DZIP1L: variants seen among roughly 807,000 people sequenced by gnomAD.
DZIP1L encodes cilium assembly protein DZIP1L.
In DZIP1L, 90 loss-of-function variants were observed where a neutral mutation model predicts 88.7. The ratio of observed to expected loss-of-function variants is 1.02; its 90% CI spans 0.86 to 1.21. The LOEUF (loss-of-function observed/expected upper bound fraction) is 1.21. DZIP1L is among the 50% of genes most tolerant of loss of function. The pLI, the probability that DZIP1L is intolerant of heterozygous loss-of-function variation, is 0.00. For synonymous variants in DZIP1L, 363 were observed against 372.1 expected (o/e 0.98, Z 0.28); for missense variants, 932 against 955.8 (o/e 0.98, Z 0.33).
chr3:138,100,569 T>C (rs1472631713), intron 2 of DZIP1L, among the ~76,000 whole-genome samples: 1 of 152,222 alleles, frequency 6.6e-6, no homozygotes, highest in Non-Finnish European at 1.5e-5. Flanking sequence ...GGGGCCAGTC[T>C]TGTGGGACTG....
In DZIP1L at chr3:138,103,531, G is replaced by A. The variant is rs373933446; in HGVS notation, c.441C>T (p.Arg147=). The A allele has an allele frequency of 6.5e-5, 104 of 1,610,982 alleles. No individual in the cohort carries two copies. The highest frequency in any genetic ancestry group is 8.2e-5 in the Non-Finnish European group (97 of 1,179,776). ...KGVREESRRR[R]KMISTLQQLL... ...GCTGCTGCAGGGTGCTGATCATCTT[G>A]CGACGCCGGCGGCTCTCCTCCCGCA... Residue 147 remains arginine, a synonymous_variant, in exon 2 of 16, where the codon CGC becomes CGT. Transcript: ENST00000327532.
At chr3:138,091,237 T>A (rs7613955) in intron 5 of DZIP1L, among the ~76,000 whole-genome samples, 129,943 of 151,884 alleles carry the variant, frequency 0.86, 55,911 homozygotes, top group Middle Eastern at 0.91. Flanking sequence ...TTGGAAATTA[T>A]AGAGCTGGGT....
chr3:138,080,515 G>A (rs1943599364), intron 10 of DZIP1L, 52 bp downstream of exon 10: 1 of 1,593,342 alleles, frequency 6.3e-7, no homozygotes, highest in Non-Finnish European at 8.6e-7. Flanking sequence ...AAGGAGGAGG[G>A]CAGCAAATCT....
In DZIP1L at chr3:138,086,987, C is replaced by CGCA; in HGVS notation, c.1035_1036insTGC (p.His345_Glu346insCys). ...TCTTTCTTCTCAGCCATGTGCTCTT[C>CGCA]ATGCAGTTCCTTCACTTTTCTTTTC... On this transcript the variant is annotated inframe_insertion, in exon 7 of 16. Transcript: ENST00000327532. The CGCA allele has an allele frequency of 6.2e-7, 1 of 1,614,136 alleles. No individual in the cohort carries two copies. The highest frequency in any genetic ancestry group is 8.5e-7 in the Non-Finnish European group (1 of 1,180,020).
rs868487994 is a variant in DZIP1L, at chr3:138,101,882, C to T, written c.501+1589G>A. On this transcript the variant is annotated intron_variant, in intron 2 of 15. Transcript: ENST00000327532. The stretch of plus-strand genomic sequence containing the variant: ...GCGCCCTCCAGCTCGGACAGCTTGG[C>T]GTTGGCATCCTTAATGGCCAGCTCC... 4 of 1,415,116 alleles carry T rather than the reference C, an allele frequency of 2.8e-6. No homozygotes were observed. The African/African-American group carries it at 4.2e-5, about 15-fold the overall frequency. The allele number at this position is 1,415,116 out of a possible 1,614,324, so 87.7% of individuals were successfully genotyped here. A position where few individuals can be genotyped will look rare whatever the true frequency, so the allele number is the denominator to read the frequency against.
intron 1 of DZIP1L, among the ~76,000 whole-genome samples, chr3:138,104,505 G>C (rs2042420980): frequency 6.6e-6 from 1 of 152,248 alleles, no homozygotes. Context: ...TTTATCTCAA[G>C]ATAAAGTCCG....
At chr3:138,106,033 T>G (rs1428054370) in intron 1 of DZIP1L, among the ~76,000 whole-genome samples, 1 of 151,844 alleles carries the variant, frequency 6.6e-6, no homozygotes, top group African/African-American at 2.4e-5. Context: ...AGAATTTCAG[T>G]TCTTGCAGAA....
intron 1 of DZIP1L, among the ~76,000 whole-genome samples, chr3:138,106,867 AAAGAG>A (rs2042508649): frequency 1.1e-5 from 1 of 93,842 alleles, no homozygotes; most frequent in Non-Finnish European, 2.6e-5. Flanking sequence ...GCCAAAAAAA[AAAGAG>A]AGAGAGAGAG....
At chr3:138,087,645 T>C (rs1161249610) in intron 6 of DZIP1L, among the ~76,000 whole-genome samples, 3 of 152,254 alleles carry the variant, frequency 2.0e-5, no homozygotes, top group Admixed American at 6.5e-5. Context: ...CTCTTTATAA[T>C]GTGAAACCTG....
In DZIP1L at chr3:138,065,057, C is replaced by G. The variant is rs1432908248; in HGVS notation, c.2003-290G>C. Among the ~76,000 whole-genome samples, 17 of 152,246 alleles carry G rather than the reference C, an allele frequency of 1.1e-4. 1 individual carries two copies. The highest frequency in any genetic ancestry group is 1.1e-3 in the Admixed American group (17 of 15,282). On this transcript the variant is annotated intron_variant, in intron 14 of 15. Transcript: ENST00000327532. ...CCTCTAATGAGAGGCTGAGGCAGGACCTCTGCTCAGTGTGGGGAATGAACT... is the reference window on the plus strand; with the variant it reads ...CCTCTAATGAGAGGCTGAGGCAGGAGCTCTGCTCAGTGTGGGGAATGAACT...
At chr3:138,114,899 G>A (rs925978565) in intron 1 of DZIP1L, among the ~76,000 whole-genome samples, 3 of 152,186 alleles carry the variant, frequency 2.0e-5, no homozygotes, top group Non-Finnish European at 2.9e-5. Flanking sequence ...CAATGCGATT[G>A]CTTTTAAATC....
chr3:138,112,709 G>A (rs1429945596), intron 1 of DZIP1L, among the ~76,000 whole-genome samples: 1 of 152,186 alleles, frequency 6.6e-6, no homozygotes, highest in Non-Finnish European at 1.5e-5. Context: ...CACTTTGGGA[G>A]GCCAAGGAGG....
At chr3:138,073,375 T>C (rs996520392) in intron 11 of DZIP1L, among the ~76,000 whole-genome samples, 4 of 152,160 alleles carry the variant, frequency 2.6e-5, no homozygotes, top group Admixed American at 6.5e-5. Context: ...CTGCAAGACC[T>C]GAAGATGGAT....
At chr3:138,072,707 C>T (rs1312836894) in intron 11 of DZIP1L, among the ~76,000 whole-genome samples, 1 of 152,144 alleles carries the variant, frequency 6.6e-6, no homozygotes, top group Non-Finnish European at 1.5e-5. Context: ...CTGCAGACTC[C>T]CTGAGATGCC....
At chr3:138,068,569 T>A (rs1385058529) in intron 12 of DZIP1L, among the ~76,000 whole-genome samples, 2 of 152,106 alleles carry the variant, frequency 1.3e-5, no homozygotes, top group African/African-American at 4.8e-5. Flanking sequence ...AGTTCCACAG[T>A]TTCATCAGAG....
chr3:138,077,622 G>A lies in DZIP1L; in HGVS notation c.1299C>T (p.Asp433=), dbSNP rs776025239. The change falls in exon 11 of 16, where the codon GAC becomes GAT. Residue 433 remains aspartate, a synonymous_variant. Transcript: ENST00000327532. The part of the protein sequence containing the change: ...EEDSPEEEME[D]SQDEQHKVLA... ...GCACCTTGTGCTGTTCATCCTGGGA[G>A]TCCTCCATCTCTGTAGCATGAGACA... 21 of 1,614,002 alleles carry A rather than the reference G, an allele frequency of 1.3e-5. No individual in the cohort carries two copies. The highest frequency in any genetic ancestry group is 1.7e-5 in the Non-Finnish European group (20 of 1,180,020).
intron 2 of DZIP1L, among the ~76,000 whole-genome samples, chr3:138,098,507 C>T (rs1232541864): frequency 6.6e-6 from 1 of 152,228 alleles, no homozygotes; most frequent in African/African-American, 2.4e-5. Context: ...ATCGTCTTCT[C>T]ACTGTAAAAT....
intron 4 of DZIP1L, among the ~76,000 whole-genome samples, chr3:138,094,502 T>A (rs1245173383): frequency 6.6e-6 from 1 of 152,250 alleles, no homozygotes; most frequent in Non-Finnish European, 1.5e-5. Flanking sequence ...GAGCATTGTC[T>A]CTGGGCTGGG....
chr3:138,108,052 C>T (rs112990818), intron 1 of DZIP1L: 4,511 of 196,138 alleles, frequency 0.023, 229 homozygotes, highest in African/African-American at 0.1. Flanking sequence ...GGCGCGATCT[C>T]GGCTCACTGC....
Sources: gnomAD v4.1 joint callset for allele counts (sites outside exome capture counted in the v4.1 genomes callset) on GRCh38, gnomAD v4.1.1 for gene constraint, MANE v1.5 for transcripts, NCBI Gene and HGNC (gene_info 2026-07-23, HGNC 2026-07-21) for gene names.